Variants in NPAS3 observed in about 807,000 individuals in gnomAD.
The protein encoded by NPAS3 is neuronal PAS domain protein 3, also known as neuronal PAS domain-containing protein 3.
NPAS3 carries 14 observed loss-of-function variants against 73.1 expected under a neutral mutation model. The ratio of observed to expected loss-of-function variants is 0.19; its 90% CI spans 0.13 to 0.30. The LOEUF is 0.30. Ranked by LOEUF, NPAS3 falls within the 10% of genes least tolerant of loss-of-function variation. The probability of loss-of-function intolerance (pLI) is 1.00; values close to 1 mark genes in which losing one functional copy is unlikely to be tolerated. For synonymous variants in NPAS3, 620 were observed against 541.5 expected (o/e 1.14, Z -2.01); for missense variants, 1,096 against 1,250.0 (o/e 0.88, Z 1.86).
At chr14:33,540,879 G>A (rs7142773) in intron 4 of NPAS3, among the ~76,000 whole-genome samples, 5,370 of 152,218 alleles carry the variant, frequency 0.035, 322 homozygotes, top group African/African-American at 0.12. Context: ...GAAACCAGGC[G>A]TGGAAGTTGC....
chr14:33,658,357 G>C (rs2059209895), intron 5 of NPAS3, among the ~76,000 whole-genome samples: 2 of 152,128 alleles, frequency 1.3e-5, no homozygotes, highest in Non-Finnish European at 2.9e-5. Context: ...TTTATATTAT[G>C]ACTTTTTATA....
At chr14:33,410,530 A>C (rs573121106) in intron 4 of NPAS3, among the ~76,000 whole-genome samples, 4 of 152,230 alleles carry the variant, frequency 2.6e-5, no homozygotes, top group Admixed American at 2.6e-4. Flanking sequence ...CTTATAAAAC[A>C]GAAAATTCAT....
chr14:33,016,703 G>A (rs576809893), intron 1 of NPAS3, among the ~76,000 whole-genome samples: 1 of 149,942 alleles, frequency 6.7e-6, no homozygotes, highest in East Asian at 2.0e-4. Context: ...TCTCCTATGT[G>A]TTCATTTCTC....
intron 5 of NPAS3, among the ~76,000 whole-genome samples, chr14:33,648,036 C>T (rs915291033): frequency 3.9e-5 from 6 of 152,168 alleles, no homozygotes; most frequent in East Asian, 1.9e-4. Context: ...TCCCCTGCTA[C>T]CCTTTCTTCT....
rs374125779 is a variant in NPAS3, at chr14:33,571,025, G to A, written c.558+10815G>A. Among the ~76,000 whole-genome samples the A allele has an allele frequency of 3.5e-4, 54 of 152,292 alleles. No homozygotes were observed. In the South Asian group the frequency reaches 0.011, roughly 31 times the overall value. Reference sequence around the variant, plus strand: ...TGCCAAGTACGAGTATTTCTAAAAAGCAAATGTTTCCTGGAGATGAAATCC... The same window carrying A: ...TGCCAAGTACGAGTATTTCTAAAAAACAAATGTTTCCTGGAGATGAAATCC... On this transcript the variant is annotated intron_variant, in intron 5 of 11. Transcript: ENST00000356141.
chr14:33,544,788 T>TTATATATATATATATATATATATATATA (rs71406561), intron 4 of NPAS3, among the ~76,000 whole-genome samples: 40 of 63,248 alleles, frequency 6.3e-4, no homozygotes, highest in African/African-American at 3.2e-3. Context: ...TGTGTGTGTA[T>TTATATATATATATATATATATATATATA]TATATATATA....
chr14:33,016,799 G>A (rs2039413777), intron 1 of NPAS3, among the ~76,000 whole-genome samples: 1 of 151,926 alleles, frequency 6.6e-6, no homozygotes, highest in Admixed American at 6.6e-5. Flanking sequence ...TAAGCATACT[G>A]TGTCATCTTT....
At chr14:33,547,255 C>G (rs1360448944) in intron 4 of NPAS3, among the ~76,000 whole-genome samples, 1 of 152,096 alleles carries the variant, frequency 6.6e-6, no homozygotes, top group South Asian at 2.1e-4. Flanking sequence ...GTAGGTCATC[C>G]TGCTACTAAA....
chr14:33,139,392 T>C (rs2043960891), intron 2 of NPAS3, among the ~76,000 whole-genome samples: 1 of 152,192 alleles, frequency 6.6e-6, no homozygotes, highest in Non-Finnish European at 1.5e-5. Context: ...AAATTACAAA[T>C]AGTGGTATAA....
At chr14:33,774,396 C>G in exon 8 of NPAS3, 5 of 1,614,104 alleles carry the variant, frequency 3.1e-6, no homozygotes, top group Non-Finnish European at 4.2e-6. Flanking sequence ...GGAGGACCGT[C>G]CCCAGCCAAA....
intron 4 of NPAS3, among the ~76,000 whole-genome samples, chr14:33,437,470 G>A (rs1179633685): frequency 6.6e-6 from 1 of 152,092 alleles, no homozygotes; most frequent in South Asian, 2.1e-4. Flanking sequence ...CCACTTAATA[G>A]TTTTCTACCA....
At chr14:33,736,033 G>A (rs996272087) in intron 7 of NPAS3, among the ~76,000 whole-genome samples, 2 of 152,168 alleles carry the variant, frequency 1.3e-5, no homozygotes, top group South Asian at 2.1e-4. Flanking sequence ...TTCATGAAAT[G>A]CCTTTGGCAA....
At chr14:32,939,352 T>C in exon 1 of NPAS3, 1 of 649,790 alleles carries the variant, frequency 1.5e-6, no homozygotes. Context: ...AGCAGGATCC[T>C]TCCAGGCGAG....
intron 5 of NPAS3, among the ~76,000 whole-genome samples, chr14:33,674,950 C>T (rs1277311603): frequency 1.3e-5 from 2 of 152,062 alleles, no homozygotes; most frequent in South Asian, 2.1e-4. Context: ...ACAGTTTTTC[C>T]ACCGCCAGTC....
chr14:33,659,015 T>G (rs2059231196), intron 5 of NPAS3, among the ~76,000 whole-genome samples: 1 of 152,176 alleles, frequency 6.6e-6, no homozygotes, highest in Non-Finnish European at 1.5e-5. Context: ...CTGAATCACC[T>G]CATTTCTCAA....
rs180802552 is a variant in NPAS3, at chr14:33,562,063, C to T, written c.558+1853C>T. On this transcript the variant is annotated intron_variant, in intron 5 of 11. Transcript: ENST00000356141. ...ATTTCAGTCAGTCCTCCTGCCAGCA[C>T]AGCATATGCACATATATGGATCGGA... 5.6e-4 allele frequency among the ~76,000 whole-genome samples: 85 copies of T among 152,298 alleles called. 2 individuals are homozygous for T. Among genetic ancestry groups the T allele is most frequent in the Non-Finnish European group, 2.4e-4 (16 of 68,034 alleles).
chr14:33,632,000 C>T (rs535362914), intron 5 of NPAS3, among the ~76,000 whole-genome samples: 4 of 152,214 alleles, frequency 2.6e-5, no homozygotes, highest in South Asian at 2.1e-4. Flanking sequence ...GTGAATCTGT[C>T]GAATATGATC....
intron 4 of NPAS3, among the ~76,000 whole-genome samples, chr14:33,481,421 A>G (rs916815371): frequency 4.6e-5 from 7 of 152,202 alleles, no homozygotes; most frequent in African/African-American, 1.7e-4. Context: ...GATACAAATT[A>G]GAGTTTGTGT....
chr14:33,403,002 T>C (rs112522148), intron 4 of NPAS3, among the ~76,000 whole-genome samples: 4 of 152,248 alleles, frequency 2.6e-5, no homozygotes, highest in African/African-American at 4.8e-5. Context: ...GTGAACATGT[T>C]TACAGTGTAT....
Sources: allele counts gnomAD v4.1 joint callset (sites outside exome capture counted in the v4.1 genomes callset), GRCh38; gene constraint gnomAD v4.1.1; transcripts MANE v1.5; gene names NCBI Gene and HGNC (gene_info 2026-07-23, HGNC 2026-07-21).